The following CDC45 variants were observed in gnomAD, a reference collection of about 807,000 sequenced individuals.
CDC45 encodes cell division cycle 45, also known as cell division control protein 45 homolog.
Under a neutral mutation model 77.8 loss-of-function variants are expected in CDC45, and 54 were observed. The ratio of observed to expected loss-of-function variants is 0.69; its 90% CI spans 0.56 to 0.87. The LOEUF is 0.87. Ranked by LOEUF, CDC45 falls within the 40% of genes least tolerant of loss-of-function variation. The pLI is 0.00. For missense variants in CDC45, 649 were observed against 721.6 expected (o/e 0.90, Z 1.15); for synonymous variants, 260 against 272.1 (o/e 0.96, Z 0.44).
At position 19,516,525 on chromosome 22, in the gene CDC45, A is replaced by G. The variant is rs764383988; in HGVS notation, c.1441-2A>G. The G allele has an allele frequency of 5.0e-6, 8 of 1,611,886 alleles. No individual in the cohort carries two copies. The South Asian group carries it at 7.7e-5, about 15-fold the overall frequency. On this transcript the variant is annotated splice_acceptor_variant, in intron 15 of 18. Transcript: ENST00000263201. LOFTEE classifies it high-confidence loss of function. Reference sequence around the variant, plus strand: ...GACGGAGGGTGCTCTCCGACTCCATAGACAAAGAACCGGCGCTGCAAACTG... The same window carrying G: ...GACGGAGGGTGCTCTCCGACTCCATGGACAAAGAACCGGCGCTGCAAACTG...
At chr22:19,491,596 G>A (rs1446503304) in intron 5 of CDC45, among the ~76,000 whole-genome samples, 1 of 152,038 alleles carries the variant, frequency 6.6e-6, no homozygotes, top group Non-Finnish European at 1.5e-5. Context: ...TATCATGAAA[G>A]TCTTATTTTT....
chr22:19,490,004 G>T (rs1308757674), intron 5 of CDC45, among the ~76,000 whole-genome samples: 1 of 152,166 alleles, frequency 6.6e-6, no homozygotes, highest in Non-Finnish European at 1.5e-5. Flanking sequence ...TTGGTGGATT[G>T]ACCCTTTTAT....
intron 11 of CDC45, 123 bp downstream of exon 11, chr22:19,507,640 C>T (rs1454091821): frequency 5.0e-6 from 7 of 1,412,388 alleles, no homozygotes; most frequent in Non-Finnish European, 6.9e-6. Context: ...GCTCCTTGCC[C>T]TAGATCCCAG....
intron 5 of CDC45, among the ~76,000 whole-genome samples, chr22:19,494,011 T>A (rs1365061658): frequency 6.6e-6 from 1 of 152,168 alleles, no homozygotes; most frequent in East Asian, 1.9e-4. Context: ...TGAGCTTACC[T>A]TGGATCCCAT....
rs763922652 is a variant in CDC45, at chr22:19,499,161, C to T, written c.704+10C>T. ...AAGACAAGATCACTCAGTAAGGACA[C>T]ACTCCCTTGCCTTGCAGGGTCAGCC... On this transcript the variant is annotated intron_variant, in intron 9 of 18. Coordinates refer to ENST00000263201, the MANE Select transcript of CDC45 (RefSeq NM_003504.5). 1.2e-6 allele frequency: 2 copies of T among 1,613,872 alleles called. No homozygotes were observed. The highest frequency in any genetic ancestry group is 1.7e-6 in the Non-Finnish European group (2 of 1,179,796).
At chr22:19,519,300 G>A (rs1013030202) in intron 18 of CDC45, among the ~76,000 whole-genome samples, 1 of 152,224 alleles carries the variant, frequency 6.6e-6, no homozygotes, top group African/African-American at 2.4e-5. Context: ...AGCCCGCAGA[G>A]CAGCCATCCG....
In CDC45 at chr22:19,516,895, TGA is replaced by T. The variant is rs1440599047; in HGVS notation, c.1636+6_1636+7del. ...TGCACAACCATTTTGACCTCTCAGGTGAGAGTCTCCTGCCACTCTGCCACACT... is the reference window on the plus strand; with the variant it reads ...TGCACAACCATTTTGACCTCTCAGGTGAGTCTCCTGCCACTCTGCCACACT... On this transcript the variant is annotated splice_donor_region_variant and intron_variant, in intron 17 of 18. Transcript: ENST00000263201. 4.3e-6 allele frequency: 7 copies of T among 1,610,970 alleles called. No homozygotes were observed. The highest frequency in any genetic ancestry group is 3.3e-5 in the Admixed American group (2 of 59,950).
intron 5 of CDC45, among the ~76,000 whole-genome samples, chr22:19,485,686 G>A (rs1424918058): frequency 6.6e-6 from 1 of 152,136 alleles, no homozygotes; most frequent in Non-Finnish European, 1.5e-5. Flanking sequence ...AATATTCATG[G>A]ATTATAATAG....
chr22:19,516,607 G>A lies in CDC45; in HGVS notation c.1521G>A (p.Val507=). 2 of 1,614,070 alleles carry A rather than the reference G, an allele frequency of 1.2e-6. No individual in the cohort carries two copies. Among genetic ancestry groups the A allele is most frequent in the Non-Finnish European group, 1.7e-6 (2 of 1,179,970 alleles). Residue 507 remains valine, a synonymous_variant, in exon 16 of 19, where the codon GTG becomes GTA. Transcript: ENST00000263201. The part of the protein sequence containing the change: ...LSMEHGTVTV[V]GIPPETDSSD... ...TGGAGCATGGCACAGTGACCGTGGT[G>A]GGCATCCCCCCAGAGACCGACAGCT...
At chr22:19,503,591 C>T (rs1431113470) in intron 9 of CDC45, among the ~76,000 whole-genome samples, 1 of 152,198 alleles carries the variant, frequency 6.6e-6, no homozygotes, top group Non-Finnish European at 1.5e-5. Flanking sequence ...ATCCCTTTCA[C>T]AAACATAAAC....
At chr22:19,498,965 C>T (rs1020461362) in intron 8 of CDC45, 136 bp from the exon 9 acceptor site, 9 of 922,534 alleles carry the variant, frequency 9.8e-6, no homozygotes, top group Middle Eastern at 3.0e-4. Flanking sequence ...CTGAGGCAAG[C>T]CAGGGTCTGG....
chr22:19,502,056 A>G (rs1932920648), intron 9 of CDC45, among the ~76,000 whole-genome samples: 2 of 152,142 alleles, frequency 1.3e-5, no homozygotes, highest in African/African-American at 2.4e-5. Flanking sequence ...TCAGATGTTC[A>G]CCTAAGAACC....
chr22:19,493,239 G>GTT (rs112060234), intron 5 of CDC45, among the ~76,000 whole-genome samples: 11,502 of 146,842 alleles, frequency 0.078, 615 homozygotes, highest in South Asian at 0.14. Context: ...TTTTTTTTTT[G>GTT]TTGTTTTGTT....
At chr22:19,498,142 C>T (rs1472714832) in intron 8 of CDC45, among the ~76,000 whole-genome samples, 4 of 152,186 alleles carry the variant, frequency 2.6e-5, no homozygotes, top group Non-Finnish European at 5.9e-5. Context: ...CCATTACACT[C>T]CAGCCTGGGC....
At position 19,519,742 on chromosome 22, in the gene CDC45, G is replaced by A. The variant is rs141380880; in HGVS notation, c.*2-739G>A. 1.3e-3 allele frequency among the ~76,000 whole-genome samples: 203 copies of A among 152,350 alleles called. 1 individual carries two copies. The highest frequency in any genetic ancestry group is 4.7e-3 in the African/African-American group (195 of 41,584). The stretch of plus-strand genomic sequence containing the variant: ...TCCATCCCTCCAGGGGCAAGCACCT[G>A]TTCTCCTGTTGGGGCTGGAGTGGGG... On this transcript the variant is annotated intron_variant, in intron 18 of 18. Coordinates refer to ENST00000263201, the MANE Select transcript of CDC45 (RefSeq NM_003504.5).
intron 2 of CDC45, among the ~76,000 whole-genome samples, chr22:19,480,529 G>A (rs1320872222): frequency 1.3e-5 from 2 of 152,058 alleles, no homozygotes; most frequent in Non-Finnish European, 2.9e-5. Flanking sequence ...ATCTGTCGTG[G>A]CCTCTCAAAT....
chr22:19,501,252 C>T (rs761543903), intron 9 of CDC45, among the ~76,000 whole-genome samples: 10 of 152,140 alleles, frequency 6.6e-5, no homozygotes, highest in African/African-American at 9.7e-5. Flanking sequence ...TATTTGCCTG[C>T]GGCTAGGTGC....
chr22:19,482,136 G>A (rs1249448960), intron 3 of CDC45, among the ~76,000 whole-genome samples: 1 of 152,122 alleles, frequency 6.6e-6, no homozygotes, highest in Non-Finnish European at 1.5e-5. Context: ...ATGGAAGAGG[G>A]TCCCTGGAGT....
At position 19,514,751 on chromosome 22, in the gene CDC45, G is replaced by A. The variant is rs908109867; in HGVS notation, c.1220G>A (p.Ser407Asn). The change falls in exon 14 of 19, where the codon AGT becomes AAT. Residue 407 changes from serine to asparagine, a missense_variant and splice_region_variant. Ser to Asn is a conservative substitution (Grantham distance 46). Coordinates refer to ENST00000263201, the MANE Select transcript of CDC45 (RefSeq NM_003504.5). ...FIQALDSLSR[S>N]NLDKLYHGLE... ...GCCATGTGTCTGCCCTGTTACAGGA[G>A]TAACCTGGACAAGCTGTACCATGGC... The A allele has an allele frequency of 1.2e-6, 2 of 1,606,066 alleles. No individual in the cohort carries two copies. Among genetic ancestry groups the A allele is most frequent in the Non-Finnish European group, 8.5e-7 (1 of 1,176,278 alleles).
Sources: allele counts gnomAD v4.1 joint callset (sites outside exome capture counted in the v4.1 genomes callset), GRCh38; gene constraint gnomAD v4.1.1; transcripts MANE v1.5; gene names NCBI Gene and HGNC (gene_info 2026-07-23, HGNC 2026-07-21).